ZNF236: variants seen among roughly 807,000 people sequenced by gnomAD.
The protein encoded by ZNF236 is regulated by glucose.
Under a neutral mutation model 191.2 loss-of-function variants are expected in ZNF236, and 50 were observed. The observed-to-expected ratio is 0.26, with a 90% CI of 0.21 to 0.33. The LOEUF (loss-of-function observed/expected upper bound fraction) is 0.33. Among genes scored for constraint, ZNF236 ranks in the 10% least tolerant of loss-of-function variants. ZNF236 has a pLI of 1.00. For synonymous variants in ZNF236, 907 were observed against 928.8 expected, an observed-to-expected ratio of 0.98 and a Z score of 0.43; for missense variants, 1,754 against 2,374.5, an observed-to-expected ratio of 0.74 and a Z score of 5.43.
intron 1 of ZNF236, chr18:76,834,490 C>A (rs1309528012): frequency 2.4e-6 from 1 of 421,972 alleles, no homozygotes. Flanking sequence ...TTCTACTTGG[C>A]GAGATTTGGC....
chr18:76,876,662 C>G lies in ZNF236; in HGVS notation c.840+998C>G, dbSNP rs187285648. On this transcript the variant is annotated intron_variant, in intron 6 of 30. Coordinates refer to ENST00000320610, the MANE Select transcript of ZNF236 (RefSeq NM_001306089.2). ...ACCCAGAGACATTAGGAAGGCATGT[C>G]AGTGTTAGTGAGGTACTGAGGTTAC... Among the ~76,000 whole-genome samples, 64 of 152,286 alleles carry G rather than the reference C, an allele frequency of 4.2e-4. 1 individual carries two copies. The highest frequency in any genetic ancestry group is 1.5e-3 in the African/African-American group (63 of 41,534).
In ZNF236 at chr18:76,868,867, T is replaced by C; in HGVS notation, c.542+4T>C. 8.2e-6 allele frequency: 13 copies of C among 1,590,968 alleles called. No homozygotes were observed. The highest frequency in any genetic ancestry group is 1.0e-5 in the Non-Finnish European group (12 of 1,168,608). On this transcript the variant is annotated splice_donor_region_variant and intron_variant, in intron 4 of 30. Coordinates refer to ENST00000320610, the MANE Select transcript of ZNF236 (RefSeq NM_001306089.2). ...TGAAGACTCATTACAAAATTAGGTA[T>C]GAGTCATTACATGGGCTTGGTCAAA...
intron 9 of ZNF236, among the ~76,000 whole-genome samples, chr18:76,891,400 A>G (rs1977229019): frequency 6.6e-6 from 1 of 151,986 alleles, no homozygotes; most frequent in Non-Finnish European, 1.5e-5. Flanking sequence ...TTTTCGAGAC[A>G]GGGTCTCTGT....
chr18:76,954,788 C>A (rs895005299), intron 27 of ZNF236, among the ~76,000 whole-genome samples: 17 of 152,236 alleles, frequency 1.1e-4, no homozygotes, highest in African/African-American at 4.1e-4. Context: ...ACCTGACACA[C>A]AGGTGTCATA....
At position 76,925,623 on chromosome 18, in the gene ZNF236, C is replaced by T. The variant is rs1032116459; in HGVS notation, c.4027+69C>T. 4 of 1,539,814 alleles carry T rather than the reference C, an allele frequency of 2.6e-6. No individual in the cohort carries two copies. In the Admixed American group the frequency reaches 5.6e-5, roughly 21 times the overall value. On this transcript the variant is annotated intron_variant, in intron 22 of 30. Transcript: ENST00000320610. This position sits in a 1 kb window ranked among gnomAD's most constrained non-coding sequence, Gnocchi z 5.7. ...CTGTTCTGTGCTGCTTCTGTCTGTT[C>T]CCACGACAGAAGAGATGTTGTTTAC...
intron 10 of ZNF236, among the ~76,000 whole-genome samples, chr18:76,897,849 T>C (rs1282041303): frequency 6.6e-6 from 1 of 152,120 alleles, no homozygotes; most frequent in East Asian, 1.9e-4. Context: ...ATTGACTACT[T>C]GGAGGATATA....
intron 20 of ZNF236, among the ~76,000 whole-genome samples, chr18:76,921,443 G>C (rs1967530552): frequency 6.6e-6 from 1 of 152,200 alleles, no homozygotes; most frequent in Non-Finnish European, 1.5e-5. Context: ...TGGAAAACTT[G>C]AGATGTTTAT....
chr18:76,841,694 C>CTTTTTTTT (rs371645927), intron 1 of ZNF236, among the ~76,000 whole-genome samples: 1 of 128,806 alleles, frequency 7.8e-6, no homozygotes, highest in East Asian at 2.3e-4. Flanking sequence ...TTTTTTTTTT[C>CTTTTTTTT]TTTTTTTTTT....
In ZNF236 at chr18:76,919,745, A is replaced by G; in HGVS notation, c.3275-31A>G. 2 of 1,603,552 alleles carry G rather than the reference A, an allele frequency of 1.2e-6. No individual in the cohort carries two copies. The highest frequency in any genetic ancestry group is 8.5e-7 in the Non-Finnish European group (1 of 1,171,586). ...AAAAACCTAGGTTTTCTTCATTACG[A>G]TTTTGATCCCTTTTCCTTGATTTTG... On this transcript the variant is annotated intron_variant, in intron 19 of 30. Coordinates refer to ENST00000320610, the MANE Select transcript of ZNF236 (RefSeq NM_001306089.2). The surrounding 1 kb of genome is among the most constrained non-coding windows in gnomAD (Gnocchi z 5.3).
intron 1 of ZNF236, chr18:76,840,775 C>CTCTG (rs1555685326): frequency 1.1e-4 from 13 of 114,930 alleles, no homozygotes; most frequent in African/African-American, 4.5e-4. Context: ...TCTTTATAAC[C>CTCTG]TGTGTGTGTG....
rs1418998751 is a variant in ZNF236, at chr18:76,968,291, G to A, written c.5496G>A (p.Val1832=). 2 of 1,610,296 alleles carry A rather than the reference G, an allele frequency of 1.2e-6. No individual in the cohort carries two copies. The highest frequency in any genetic ancestry group is 4.5e-5 in the East Asian group (2 of 44,852). Residue 1832 remains valine, a synonymous_variant, in exon 31 of 31, where the codon GTG becomes GTA. Transcript: ENST00000320610. ...ELSRTLHLEE[V]VQEAAGEWQA... ...GCCGGACCCTCCACCTGGAGGAGGT[G>A]GTGCAGGAGGCCGCCGGCGAGTGGC...
At chr18:76,891,529 C>T (rs540248524) in intron 9 of ZNF236, among the ~76,000 whole-genome samples, 1 of 152,206 alleles carries the variant, frequency 6.6e-6, no homozygotes, top group African/African-American at 2.4e-5. Context: ...TGCACCACCA[C>T]ACCTAGTTAA....
At chr18:76,829,679 T>C (rs1033346527) in intron 1 of ZNF236, among the ~76,000 whole-genome samples, 2 of 152,176 alleles carry the variant, frequency 1.3e-5, no homozygotes, top group African/African-American at 4.8e-5. Context: ...TTGAAACCTC[T>C]TTGTTGTTAG....
chr18:76,870,440 T>C (rs1976548630), intron 4 of ZNF236, among the ~76,000 whole-genome samples: 1 of 152,214 alleles, frequency 6.6e-6, no homozygotes, highest in African/African-American at 2.4e-5. Context: ...GATGTTTAGG[T>C]GCTTGTGGCA....
At chr18:76,940,382 G>A (rs183421575) in intron 26 of ZNF236, among the ~76,000 whole-genome samples, 2 of 150,920 alleles carry the variant, frequency 1.3e-5, no homozygotes, top group Admixed American at 6.6e-5. Flanking sequence ...TTGGCAACAC[G>A]GTGGGCGACC....
intron 10 of ZNF236, among the ~76,000 whole-genome samples, chr18:76,898,765 A>T (rs551629971): frequency 6.6e-6 from 1 of 152,364 alleles, no homozygotes; most frequent in South Asian, 2.1e-4. Flanking sequence ...ATATTTTACA[A>T]TGTAAGACTT....
At chr18:76,864,217 T>TTTAA (rs1976331730) in intron 3 of ZNF236, among the ~76,000 whole-genome samples, 1 of 149,178 alleles carries the variant, frequency 6.7e-6, no homozygotes, top group African/African-American at 2.4e-5. Context: ...TTTTTTTTTT[T>TTTAA]AAGACAGAGT....
rs1332467165 is a variant in ZNF236 at position 76,971,541 on chromosome 18, C to A, written c.*3202C>A. Among the ~76,000 whole-genome samples the A allele has an allele frequency of 6.6e-6, 1 of 152,212 alleles. No homozygotes were observed. The highest frequency in any genetic ancestry group is 1.9e-4 in the East Asian group (1 of 5,202). On this transcript the variant is annotated 3_prime_UTR_variant, in exon 31 of 31. Coordinates refer to ENST00000320610, the MANE Select transcript of ZNF236 (RefSeq NM_001306089.2). ...TTGTAATATTTTAAGGAAACTTGAT[C>A]TTTGAAATTATAGCTAGTGTTCTGT...
chr18:76,968,762 G>C lies in ZNF236; in HGVS notation c.*423G>C, dbSNP rs184533562. 69 of 992,796 alleles carry C rather than the reference G, an allele frequency of 7.0e-5. No individual in the cohort carries two copies. The African/African-American group carries it at 1.1e-3, about 15-fold the overall frequency. 61.5% of individuals were successfully genotyped at this position (992,796 alleles called of 1,614,324 possible). A position where few individuals can be genotyped will look rare whatever the true frequency, so the allele number is the denominator to read the frequency against. On this transcript the variant is annotated 3_prime_UTR_variant, in exon 31 of 31. Coordinates refer to ENST00000320610, the MANE Select transcript of ZNF236 (RefSeq NM_001306089.2). ...AAGAAGCATAGCTTACAAAGCAAGC[G>C]TAAGATTGAGGCATGAAGTTCAGAA... is the stretch of plus-strand genomic sequence containing the variant.
Sources: gnomAD v4.1 joint callset for allele counts (sites outside exome capture counted in the v4.1 genomes callset) on GRCh38, gnomAD v4.1.1 for gene constraint, Gnocchi (gnomAD v3.1) non-coding constraint, MANE v1.5 for transcripts, NCBI Gene and HGNC (gene_info 2026-07-23, HGNC 2026-07-21) for gene names.